The following TBC1D5 variants were observed in gnomAD, a reference collection of about 807,000 sequenced individuals.
The protein encoded by TBC1D5 is TBC1 domain family member 5.
In TBC1D5, 75 loss-of-function variants were observed where a neutral mutation model predicts 100.3. That is an observed-to-expected ratio of 0.75 (90% CI 0.62 to 0.91). The LOEUF (loss-of-function observed/expected upper bound fraction) is 0.91, where lower values mean the gene tolerates loss of function less well. Among genes scored for constraint, TBC1D5 ranks in the 40% least tolerant of loss-of-function variants. TBC1D5 has a pLI of 0.00. For synonymous variants in TBC1D5, 323 were observed against 325.6 expected, an observed-to-expected ratio of 0.99 and a Z score of 0.09; for missense variants, 910 against 942.4, an observed-to-expected ratio of 0.97 and a Z score of 0.45.
At chr3:17,656,602 G>C (rs1442783185) in intron 1 of TBC1D5, among the ~76,000 whole-genome samples, 1 of 151,976 alleles carries the variant, frequency 6.6e-6, no homozygotes, top group Non-Finnish European at 1.5e-5. Context: ...TTTTAAACAT[G>C]AACTAACTTC....
rs1216938383 is a variant in TBC1D5 at position 17,374,552 on chromosome 3, A to G, written c.753-12T>C. 1 of 1,610,986 alleles carries G rather than the reference A, an allele frequency of 6.2e-7. No homozygotes were observed. The highest frequency in any genetic ancestry group is 2.2e-5 in the East Asian group (1 of 44,524). On this transcript the variant is annotated splice_polypyrimidine_tract_variant and intron_variant, in intron 11 of 21. Coordinates refer to ENST00000253692, the Ensembl canonical transcript of TBC1D5. Reference sequence around the variant, plus strand: ...GTGAGAACACTGCACTAAAAATAAAATAACACAATGCTATGTAACTTTCAT... The same window carrying G: ...GTGAGAACACTGCACTAAAAATAAAGTAACACAATGCTATGTAACTTTCAT...
At chr3:17,341,956 C>T (rs900608943) in intron 13 of TBC1D5, among the ~76,000 whole-genome samples, 1 of 152,146 alleles carries the variant, frequency 6.6e-6, no homozygotes, top group African/African-American at 2.4e-5. Flanking sequence ...TTGTAGTTAT[C>T]TTCCCCACTC....
At chr3:17,541,436 A>AT (rs1404558103) in intron 2 of TBC1D5, among the ~76,000 whole-genome samples, 10 of 151,736 alleles carry the variant, frequency 6.6e-5, no homozygotes, top group African/African-American at 1.9e-4. Context: ...ATTCCTAAGT[A>AT]TTTTTTTTGA....
At chr3:17,320,491 A>G (rs2085274950) in intron 13 of TBC1D5, among the ~76,000 whole-genome samples, 1 of 152,246 alleles carries the variant, frequency 6.6e-6, no homozygotes, top group African/African-American at 2.4e-5. Flanking sequence ...GCCAAGAACC[A>G]AGGAAGTTTT....
At chr3:17,731,625 C>T (rs889145096) in intron 1 of TBC1D5, among the ~76,000 whole-genome samples, 2 of 151,720 alleles carry the variant, frequency 1.3e-5, no homozygotes, top group Admixed American at 6.6e-5. Flanking sequence ...TACCTGGCTG[C>T]GGGGACACCA....
intron 2 of TBC1D5, among the ~76,000 whole-genome samples, chr3:17,557,834 C>T (rs888016221): frequency 2.0e-5 from 3 of 151,960 alleles, no homozygotes; most frequent in African/African-American, 7.3e-5. Flanking sequence ...AGTAAAACAA[C>T]CAGGATACAG....
intron 14 of TBC1D5, 86 bp downstream of exon 14, chr3:17,307,906 T>C: frequency 6.5e-7 from 1 of 1,528,328 alleles, no homozygotes; most frequent in Non-Finnish European, 8.8e-7. Flanking sequence ...AATCAAATAA[T>C]AAAACACAAA....
chr3:17,165,472 G>C (rs1178901410), intron 21 of TBC1D5, among the ~76,000 whole-genome samples: 1 of 152,246 alleles, frequency 6.6e-6, no homozygotes, highest in East Asian at 1.9e-4. Context: ...GTGAAGAAAC[G>C]AATGAAATTA....
intron 13 of TBC1D5, among the ~76,000 whole-genome samples, chr3:17,365,906 C>A (rs1270132194): frequency 1.3e-5 from 2 of 152,166 alleles, no homozygotes; most frequent in African/African-American, 4.8e-5. Context: ...ACTATTTAAT[C>A]TAAATAAGGC....
In TBC1D5 at chr3:17,344,093, G is replaced by T. The variant is rs577024125; in HGVS notation, c.995+27982C>A. 3.4e-3 allele frequency among the ~76,000 whole-genome samples: 520 copies of T among 152,120 alleles called. 2 individuals are homozygous for T. The highest frequency in any genetic ancestry group is 0.012 in the African/African-American group (506 of 41,494). ...TTTTGGATCTTTCCTGCTTTCTCTTGTGGGCATTTAGTGCTATAAATTTCC... is the reference window on the plus strand; with the variant it reads ...TTTTGGATCTTTCCTGCTTTCTCTTTTGGGCATTTAGTGCTATAAATTTCC... On this transcript the variant is annotated intron_variant, in intron 13 of 21. Transcript: ENST00000253692.
chr3:17,199,228 G>A (rs1314727023), intron 18 of TBC1D5, among the ~76,000 whole-genome samples: 1 of 152,178 alleles, frequency 6.6e-6, no homozygotes, highest in Non-Finnish European at 1.5e-5. Context: ...TCATAACAGA[G>A]GACTGAGGAT....
At chr3:17,348,112 A>G (rs1489187071) in intron 13 of TBC1D5, among the ~76,000 whole-genome samples, 1 of 152,230 alleles carries the variant, frequency 6.6e-6, no homozygotes, top group Non-Finnish European at 1.5e-5. Flanking sequence ...AAGATCATTC[A>G]TCACATTTAA....
At chr3:17,344,741 A>G (rs2089601899) in intron 13 of TBC1D5, among the ~76,000 whole-genome samples, 2 of 152,212 alleles carry the variant, frequency 1.3e-5, no homozygotes, top group African/African-American at 2.4e-5. Context: ...GGAACAGAAC[A>G]GAGCCCTCAG....
At chr3:17,319,497 A>C (rs2085111795) in intron 13 of TBC1D5, among the ~76,000 whole-genome samples, 1 of 151,936 alleles carries the variant, frequency 6.6e-6, no homozygotes, top group Non-Finnish European at 1.5e-5. Flanking sequence ...ACGTACAATA[A>C]GAAGCAATTT....
At chr3:17,539,585 ATC>A (rs1284110749) in intron 2 of TBC1D5, among the ~76,000 whole-genome samples, 3 of 152,070 alleles carry the variant, frequency 2.0e-5, no homozygotes, top group Non-Finnish European at 2.9e-5. Flanking sequence ...AAGTCGTAAG[ATC>A]TCTGTTTTAA....
intron 15 of TBC1D5, among the ~76,000 whole-genome samples, chr3:17,260,285 A>G (rs1011072579): frequency 6.6e-6 from 1 of 152,194 alleles, no homozygotes; most frequent in Admixed American, 6.5e-5. Flanking sequence ...ACAAACTACT[A>G]AAGGATTATG....
intron 1 of TBC1D5, among the ~76,000 whole-genome samples, chr3:17,655,530 T>C (rs1240249430): frequency 6.6e-6 from 1 of 152,070 alleles, no homozygotes; most frequent in East Asian, 1.9e-4. Flanking sequence ...TCCACTTTCA[T>C]TAACCATATT....
intron 17 of TBC1D5, among the ~76,000 whole-genome samples, chr3:17,222,067 C>G (rs1423435247): frequency 6.6e-6 from 1 of 152,158 alleles, no homozygotes; most frequent in African/African-American, 2.4e-5. Flanking sequence ...TTTTAAAGAA[C>G]TACCTTTTGG....
intron 16 of TBC1D5, among the ~76,000 whole-genome samples, chr3:17,250,566 A>G (rs2077094602): frequency 6.6e-6 from 1 of 152,208 alleles, no homozygotes; most frequent in African/African-American, 2.4e-5. Context: ...CGGCCTGCTT[A>G]CTATTTCTCA....
Sources: gnomAD v4.1 joint callset for allele counts (sites outside exome capture counted in the v4.1 genomes callset) on GRCh38, gnomAD v4.1.1 for gene constraint, MANE v1.5 for transcripts, NCBI Gene and HGNC (gene_info 2026-07-23, HGNC 2026-07-21) for gene names.